Variants in ZNF197 observed in about 807,000 individuals in gnomAD.
The protein encoded by ZNF197 is VHL-associated KRAB-A domain-containing protein.
In ZNF197, 14 loss-of-function variants were observed where a neutral mutation model predicts 27.4. That is an observed-to-expected ratio of 0.51 (90% CI 0.34 to 0.80). ZNF197 has a LOEUF of 0.80. Ranked by LOEUF, ZNF197 falls within the 30% of genes least tolerant of loss-of-function variation. ZNF197 has a pLI of 0.02. For missense variants in ZNF197, 1,090 were observed against 1,222.6 expected (o/e 0.89, Z 1.62); for synonymous variants, 415 against 420.0 (o/e 0.99, Z 0.15).
In ZNF197 at chr3:44,646,217, A is replaced by T. The variant is rs945892505; in HGVS notation, c.*1997A>T. ...GCCTTGAATTCCTCATCTGTTAAACAGGAGGAAGAATATCTACCTCACAAA... is the reference window on the plus strand; with the variant it reads ...GCCTTGAATTCCTCATCTGTTAAACTGGAGGAAGAATATCTACCTCACAAA... On this transcript the variant is annotated 3_prime_UTR_variant, in exon 6 of 6. Transcript: ENST00000344387. 2 of 979,600 alleles carry T rather than the reference A, an allele frequency of 2.0e-6. No homozygotes were observed. The highest frequency in any genetic ancestry group is 3.5e-5 in the African/African-American group (2 of 57,120). 60.7% of individuals were successfully genotyped at this position (979,600 alleles called of 1,614,324 possible).
Position 44,644,009 on chromosome 3 carries a change from G to C in ZNF197, c.2879G>C (p.Cys960Ser). The C allele has an allele frequency of 1.9e-6, 3 of 1,614,094 alleles. No homozygotes were observed. The highest frequency in any genetic ancestry group is 1.7e-5 in the Admixed American group (1 of 60,020). ...CACACAGGGGAGAAACCCTATGGGTGTAATGATTGTAGTAAAGTTTTTAGG... is the reference window on the plus strand; with the variant it reads ...CACACAGGGGAGAAACCCTATGGGTCTAATGATTGTAGTAAAGTTTTTAGG... ...RIHTGEKPYG[C>S]NDCSKVFRQR... The change falls in exon 6 of 6, where the codon TGT (cysteine) becomes TCT (serine). Residue 960 changes from cysteine (C) to serine (S), a missense_variant. Transcript: ENST00000344387.
chr3:44,643,197 A>G lies in ZNF197; in HGVS notation c.2067A>G (p.Ser689=), dbSNP rs766785454. ...AAGATTGTGGTAAGGTCTTCGGTTC[A>G]AACAGAAACCTCATTGACCATGAGA... ...ECKDCGKVFG[S]NRNLIDHERL... The change falls in exon 6 of 6, where the codon TCA becomes TCG. Residue 689 remains serine, a synonymous_variant. Coordinates refer to ENST00000344387, the MANE Select transcript of ZNF197 (RefSeq NM_006991.5). The G allele has an allele frequency of 8.1e-6, 13 of 1,613,578 alleles. No individual in the cohort carries two copies. In the South Asian group the frequency reaches 1.4e-4, roughly 18 times the overall value.
chr3:44,633,118 C>T (rs1702101971), intron 5 of ZNF197, among the ~76,000 whole-genome samples: 1 of 152,176 alleles, frequency 6.6e-6, no homozygotes. Flanking sequence ...CCTGTCCTCT[C>T]TGTTCTTAGA....
At position 44,645,896 on chromosome 3, in the gene ZNF197, C is replaced by T. The variant is rs1702928948; in HGVS notation, c.*1676C>T. Reference sequence around the variant, plus strand: ...AGTACATTTGTGGGTTTAACTCAGTCTATATTCTTAAGTTGGTAATTTTTA... The same window carrying T: ...AGTACATTTGTGGGTTTAACTCAGTTTATATTCTTAAGTTGGTAATTTTTA... On this transcript the variant is annotated 3_prime_UTR_variant, in exon 6 of 6. Transcript: ENST00000344387. 5 of 985,296 alleles carry T rather than the reference C, an allele frequency of 5.1e-6. No individual in the cohort carries two copies. The South Asian group carries it at 2.3e-4, about 46-fold the overall frequency. The allele number at this position is 985,296 out of a possible 1,614,324, so 61.0% of individuals were successfully genotyped here. A position where few individuals can be genotyped will look rare whatever the true frequency, so the allele number is the denominator to read the frequency against.
intron 1 of ZNF197, among the ~76,000 whole-genome samples, chr3:44,628,643 C>T (rs1289263647): frequency 1.3e-5 from 2 of 152,316 alleles, no homozygotes; most frequent in African/African-American, 4.8e-5. Context: ...TGTTCAAAAA[C>T]TTGAAATGTA....
At position 44,647,182 on chromosome 3, in the gene ZNF197, TG is replaced by T. The variant is rs1417262093; in HGVS notation, c.*2963del. The stretch of plus-strand genomic sequence containing the variant: ...AATAAGCAAAAGACAGACATTTCAC[TG>T]AAGTATAGATAGCAAATAAGCAAAT... On this transcript the variant is annotated 3_prime_UTR_variant, in exon 6 of 6. Transcript: ENST00000344387. 2.0e-5 allele frequency: 3 copies of T among 152,146 alleles called. No individual in the cohort carries two copies. Among genetic ancestry groups the T allele is most frequent in the Non-Finnish European group, 4.4e-5 (3 of 68,010 alleles). The allele number at this position is 152,146 out of a possible 1,614,324, so 9.4% of individuals were successfully genotyped here.
Position 44,641,994 on chromosome 3 carries a change from A to G in ZNF197, c.864A>G (p.Gln288=). 6.2e-7 allele frequency: 1 copy of G among 1,613,896 alleles called. No individual in the cohort carries two copies. Among genetic ancestry groups the G allele is most frequent in the South Asian group, 1.1e-5 (1 of 91,046 alleles). The change falls in exon 6 of 6, where the codon CAA becomes CAG. Residue 288 remains glutamine, a synonymous_variant. Coordinates refer to ENST00000344387, the MANE Select transcript of ZNF197 (RefSeq NM_006991.5). ...ATAAAGGAACATCAAAAAGACTTCAAGGAAGTGTTCCCCAGGTCCTTGATT... is the reference window on the plus strand; with the variant it reads ...ATAAAGGAACATCAAAAAGACTTCAGGGAAGTGTTCCCCAGGTCCTTGATT... The part of the protein sequence containing the change: ...DSHKGTSKRL[Q]GSVPQVLDFE...
intron 5 of ZNF197, among the ~76,000 whole-genome samples, chr3:44,636,165 T>C (rs1037000995): frequency 2.0e-5 from 3 of 151,770 alleles, no homozygotes; most frequent in African/African-American, 7.3e-5. Context: ...ATTAGCCGGG[T>C]GTGGTGGCAG....
At chr3:44,631,347 C>T in intron 3 of ZNF197, 126 bp downstream of exon 3, 1 of 1,190,580 alleles carries the variant, frequency 8.4e-7, no homozygotes, top group Non-Finnish European at 1.2e-6. Context: ...CAATTTCTTT[C>T]TGCTGTTCTG....
chr3:44,632,247 G>C (rs1362198468), intron 4 of ZNF197, 51 bp downstream of exon 4: 1 of 1,594,558 alleles, frequency 6.3e-7, no homozygotes, highest in Non-Finnish European at 8.6e-7. Flanking sequence ...AACTGTGGCT[G>C]AAGTGCCCTC....
chr3:44,636,357 T>C (rs1328140321), intron 5 of ZNF197, among the ~76,000 whole-genome samples: 2 of 151,810 alleles, frequency 1.3e-5, no homozygotes, highest in African/African-American at 4.8e-5. Flanking sequence ...CCTTGAACCC[T>C]TCAGCAGTCC....
chr3:44,643,340 A>T lies in ZNF197; in HGVS notation c.2210A>T (p.Glu737Val), dbSNP rs1702745291. The T allele has an allele frequency of 4.3e-6, 7 of 1,613,966 alleles. No homozygotes were observed. The South Asian group carries it at 6.6e-5, about 15-fold the overall frequency. ...LHTQEKAYKC[E>V]DCGKAFSYNS... ...ACACAAGAGAAAGCCTACAAATGTG[A>T]GGATTGTGGGAAGGCTTTCAGTTAC... Residue 737 changes from glutamate to valine, a missense_variant, in exon 6 of 6, where the codon GAG (glutamate) becomes GTG (valine). Transcript: ENST00000344387.
Position 44,629,380 on chromosome 3 carries a change from C to T in ZNF197, c.226C>T (p.Arg76Cys), listed in dbSNP as rs371507582. The T allele has an allele frequency of 1.3e-4, 205 of 1,613,986 alleles. No individual in the cohort carries two copies. Among genetic ancestry groups the T allele is most frequent in the Middle Eastern group, 1.6e-4 (1 of 6,080 alleles). Residue 76 changes from arginine (R) to cysteine (C), a missense_variant, in exon 2 of 6, where the codon CGC becomes TGC. By Grantham distance (180) the Arg-to-Cys change is radical (BLOSUM62 -3). Transcript: ENST00000344387. The stretch of plus-strand genomic sequence containing the variant: ...TCGCCGGTGGCTGAGACCAGAAGCA[C>T]GCACCAAGGCACAGATCCTGGAGCT... The part of the protein sequence containing the change: ...LCRRWLRPEA[R>C]TKAQILELLV...
rs748012135 is a variant in ZNF197 at position 44,644,404 on chromosome 3, C to T, written c.*184C>T. 1.2e-5 allele frequency: 16 copies of T among 1,317,660 alleles called. No homozygotes were observed. The highest frequency in any genetic ancestry group is 7.2e-5 in the Admixed American group (2 of 27,874). The allele number at this position is 1,317,660 out of a possible 1,614,324, so 81.6% of individuals were successfully genotyped here. ...CTGTAATCCCAGCACTTTGAGAGGC[C>T]GAAGCGAGTGGATCACCTGAGGTCA... On this transcript the variant is annotated 3_prime_UTR_variant, in exon 6 of 6. Coordinates refer to ENST00000344387, the MANE Select transcript of ZNF197 (RefSeq NM_006991.5).
rs1401519120 is a variant in ZNF197, at chr3:44,646,476, G to A, written c.*2256G>A. ...CAACCTGAATTTAATCAAGCTTCTT[G>A]GACCTCATTGCCAGGTTACAGGAAA... On this transcript the variant is annotated 3_prime_UTR_variant, in exon 6 of 6. Transcript: ENST00000344387. The A allele has an allele frequency of 3.1e-6, 5 of 1,609,678 alleles. No homozygotes were observed. Among genetic ancestry groups the A allele is most frequent in the Non-Finnish European group, 4.3e-6 (5 of 1,176,330 alleles).
In ZNF197 at chr3:44,629,360, G is replaced by A. The variant is rs761945968; in HGVS notation, c.206G>A (p.Arg69Gln). Residue 69 changes from arginine to glutamine, a missense_variant, in exon 2 of 6, where the codon CGG (arginine) becomes CAG (glutamine). Arg to Gln is a conservative substitution (Grantham distance 43). Transcript: ENST00000344387. ...AGCCGGCTCAGGGAACTCTGTCGCC[G>A]GTGGCTGAGACCAGAAGCACGCACC... ...ALSRLRELCRRWLRPEARTKA... is the reference protein window; with the variant it reads ...ALSRLRELCRQWLRPEARTKA... 12 of 1,613,928 alleles carry A rather than the reference G, an allele frequency of 7.4e-6. No homozygotes were observed. Among genetic ancestry groups the A allele is most frequent in the African/African-American group, 6.7e-5 (5 of 74,888 alleles).
At chr3:44,627,760 A>G (rs1207313226) in intron 1 of ZNF197, among the ~76,000 whole-genome samples, 1 of 151,416 alleles carries the variant, frequency 6.6e-6, no homozygotes, top group Non-Finnish European at 1.5e-5. Flanking sequence ...GAACCTGTCA[A>G]GCAGAGGTTG....
At chr3:44,629,749 C>T (rs527857354) in intron 2 of ZNF197, among the ~76,000 whole-genome samples, 6 of 152,212 alleles carry the variant, frequency 3.9e-5, no homozygotes, top group South Asian at 2.1e-4. Context: ...TTGAGGTCTT[C>T]GGGTCCAACT....
rs1559464654 is a variant in ZNF197, at chr3:44,631,689, CTG to C, written c.551-415_551-414del. On this transcript the variant is annotated intron_variant, in intron 3 of 5. Coordinates refer to ENST00000344387, the MANE Select transcript of ZNF197 (RefSeq NM_006991.5). Reference sequence around the variant, plus strand: ...GTGCTGGGATTACAGGTGTGAGCCACTGCACCCGGCCATTTTTGTTTTTTTTT... The same window carrying C: ...GTGCTGGGATTACAGGTGTGAGCCACCACCCGGCCATTTTTGTTTTTTTTT... 1.6e-3 allele frequency among the ~76,000 whole-genome samples: 235 copies of C among 150,750 alleles called. 1 individual carries two copies. Among genetic ancestry groups the C allele is most frequent in the African/African-American group, 5.6e-3 (230 of 41,070 alleles).
Sources: allele counts gnomAD v4.1 joint callset (sites outside exome capture counted in the v4.1 genomes callset), GRCh38; gene constraint gnomAD v4.1.1; transcripts MANE v1.5; gene names NCBI Gene and HGNC (gene_info 2026-07-23, HGNC 2026-07-21).